The following RNGTT variants were observed in gnomAD, a reference collection of about 807,000 sequenced individuals.
The protein encoded by RNGTT is mRNA-capping enzyme.
A neutral mutation model predicts 79.3 loss-of-function variants in RNGTT; 33 were observed. The observed-to-expected ratio is 0.42, with a 90% confidence interval of 0.32 to 0.56. The LOEUF (loss-of-function observed/expected upper bound fraction) is 0.56, where lower values mean the gene tolerates loss of function less well. Ranked by LOEUF, RNGTT falls within the 20% of genes least tolerant of loss-of-function variation. The pLI, the probability that RNGTT is intolerant of heterozygous loss-of-function variation, is 0.17. For synonymous variants in RNGTT, 222 were observed against 235.9 expected, an observed-to-expected ratio of 0.94 and a Z score of 0.54; for missense variants, 497 against 739.1, an observed-to-expected ratio of 0.67 and a Z score of 3.80.
At chr6:88,727,697 T>G (rs1034842494) in intron 13 of RNGTT, among the ~76,000 whole-genome samples, 2 of 152,174 alleles carry the variant, frequency 1.3e-5, no homozygotes, top group East Asian at 3.9e-4. Flanking sequence ...GTGTTTGGCT[T>G]TTTTTGGTCT....
At chr6:88,755,959 CAAAAAAAAAAA>C (rs1157096180) in intron 13 of RNGTT, among the ~76,000 whole-genome samples, 956 of 30,564 alleles carry the variant, frequency 0.031, 31 homozygotes, top group African/African-American at 0.087. Flanking sequence ...GACTCCGTCT[CAAAAAAAAAAA>C]AAAAAAAAAA....
chr6:88,888,306 G>A (rs540906519), intron 8 of RNGTT, among the ~76,000 whole-genome samples: 36 of 152,066 alleles, frequency 2.4e-4, no homozygotes, highest in Non-Finnish European at 4.1e-4. Flanking sequence ...TAAGACATTT[G>A]TTAAGACATT....
chr6:88,732,121 A>C (rs749622314), intron 13 of RNGTT, among the ~76,000 whole-genome samples: 3 of 152,106 alleles, frequency 2.0e-5, no homozygotes, highest in Non-Finnish European at 4.4e-5. Context: ...AGTTAAGTAG[A>C]CTCACACAGT....
intron 8 of RNGTT, among the ~76,000 whole-genome samples, chr6:88,887,906 A>G (rs1258598011): frequency 6.6e-6 from 1 of 152,224 alleles, no homozygotes; most frequent in African/African-American, 2.4e-5. Flanking sequence ...ACTACAGCCC[A>G]GGAGCTCAAG....
At chr6:88,658,812 C>T (rs1396456138) in intron 14 of RNGTT, among the ~76,000 whole-genome samples, 3 of 152,200 alleles carry the variant, frequency 2.0e-5, no homozygotes, top group African/African-American at 7.2e-5. Flanking sequence ...TGCTTCCTGC[C>T]CTCAAACATC....
intron 14 of RNGTT, among the ~76,000 whole-genome samples, chr6:88,661,131 A>C (rs943992450): frequency 6.6e-6 from 1 of 152,184 alleles, no homozygotes; most frequent in Non-Finnish European, 1.5e-5. Context: ...GATGATAGTG[A>C]CACAACCTAT....
intron 13 of RNGTT, among the ~76,000 whole-genome samples, chr6:88,724,893 T>G (rs1379086542): frequency 6.6e-6 from 1 of 152,082 alleles, no homozygotes; most frequent in Non-Finnish European, 1.5e-5. Context: ...CAGAATCACT[T>G]TAGCCTGTGC....
intron 2 of RNGTT, among the ~76,000 whole-genome samples, chr6:88,936,383 C>A (rs891680292): frequency 6.6e-6 from 1 of 152,150 alleles, no homozygotes; most frequent in Non-Finnish European, 1.5e-5. Flanking sequence ...TTATTTCTTT[C>A]TCTTGCCTGG....
At chr6:88,935,222 A>T (rs1435983583) in intron 2 of RNGTT, among the ~76,000 whole-genome samples, 1 of 152,198 alleles carries the variant, frequency 6.6e-6, no homozygotes, top group East Asian at 1.9e-4. Context: ...GCCTTTGTCT[A>T]AATCAGTTGG....
At chr6:88,939,512 TTGTATTGCTTTTCAGTATTC>T (rs1373401160) in intron 2 of RNGTT, among the ~76,000 whole-genome samples, 2 of 152,158 alleles carry the variant, frequency 1.3e-5, no homozygotes, top group Admixed American at 6.5e-5. Context: ...TTTTTCTGAT[TTGTATTGCTTTTCAGTATTC>T]TGTATTGCTT....
chr6:88,738,205 CAA>C (rs66761009), intron 13 of RNGTT, among the ~76,000 whole-genome samples: 35,749 of 151,952 alleles, frequency 0.24, 4,773 homozygotes, highest in Non-Finnish European at 0.3. Context: ...ATGAGAAAAA[CAA>C]GAGACAAATT....
chr6:88,637,289 T>C lies in RNGTT; in HGVS notation c.1507-22894A>G, dbSNP rs150612930. The stretch of plus-strand genomic sequence containing the variant: ...AACTGAAGAAATAAATGCCATTCGG[T>C]TCACTCTTATTCAATATATTCTTTA... On this transcript the variant is annotated intron_variant, in intron 14 of 15. Transcript: ENST00000369485. 5.2e-3 allele frequency among the ~76,000 whole-genome samples: 789 copies of C among 152,202 alleles called. 8 individuals are homozygous for C. Among genetic ancestry groups the C allele is most frequent in the Non-Finnish European group, 8.2e-3 (558 of 67,942 alleles).
intron 2 of RNGTT, among the ~76,000 whole-genome samples, chr6:88,932,673 AC>A (rs1784548340): frequency 6.6e-6 from 1 of 152,164 alleles, no homozygotes; most frequent in Admixed American, 6.5e-5. Flanking sequence ...GGTTCCCCCA[AC>A]AGATTATAGC....
intron 13 of RNGTT, among the ~76,000 whole-genome samples, chr6:88,714,959 G>A (rs1776455766): frequency 6.6e-6 from 1 of 152,054 alleles, no homozygotes; most frequent in Non-Finnish European, 1.5e-5. Flanking sequence ...TTGAAGTTCT[G>A]GCCAGGGCAA....
At chr6:88,713,791 C>T (rs948825696) in intron 13 of RNGTT, among the ~76,000 whole-genome samples, 9 of 151,948 alleles carry the variant, frequency 5.9e-5, no homozygotes, top group African/African-American at 2.2e-4. Context: ...ACATATGAAA[C>T]AGGAGATATG....
chr6:88,704,273 A>ACAAAC (rs1171110823), intron 13 of RNGTT, among the ~76,000 whole-genome samples: 1 of 149,786 alleles, frequency 6.7e-6, no homozygotes, highest in African/African-American at 2.5e-5. Flanking sequence ...AAAAAAAAAA[A>ACAAAC]AAAAAAAAAA....
At chr6:88,901,329 C>T (rs1783451165) in intron 6 of RNGTT, among the ~76,000 whole-genome samples, 1 of 151,400 alleles carries the variant, frequency 6.6e-6, no homozygotes, top group Admixed American at 6.6e-5. Context: ...AGGATAAATA[C>T]AAAGAAAACC....
chr6:88,680,159 A>G (rs914221580), intron 13 of RNGTT, among the ~76,000 whole-genome samples: 1 of 152,216 alleles, frequency 6.6e-6, no homozygotes, highest in Non-Finnish European at 1.5e-5. Context: ...ATTAGAACAC[A>G]AGATTATCGT....
intron 14 of RNGTT, among the ~76,000 whole-genome samples, chr6:88,664,556 A>C (rs2127783427): frequency 6.6e-6 from 1 of 152,322 alleles, no homozygotes; most frequent in South Asian, 2.1e-4. Flanking sequence ...TGCAGCTATT[A>C]GAGGGGTCCC....
Sources: allele counts gnomAD v4.1 joint callset (sites outside exome capture counted in the v4.1 genomes callset), GRCh38; gene constraint gnomAD v4.1.1; transcripts MANE v1.5; gene names NCBI Gene and HGNC (gene_info 2026-07-23, HGNC 2026-07-21).